Variants in ALPK2 observed in about 807,000 individuals in gnomAD.
ALPK2 encodes the protein alpha kinase 2.
Under a neutral mutation model 163.1 loss-of-function variants are expected in ALPK2, and 127 were observed. The ratio of observed to expected loss-of-function variants is 0.78; its 90% CI spans 0.67 to 0.90. The LOEUF (loss-of-function observed/expected upper bound fraction) is 0.90, where lower values mean the gene tolerates loss of function less well. Ranked by LOEUF, ALPK2 falls within the 40% of genes least tolerant of loss-of-function variation. The pLI, the probability that ALPK2 is intolerant of heterozygous loss-of-function variation, is 0.00. For synonymous variants in ALPK2, 953 were observed against 959.1 expected (o/e 0.99, Z 0.12); for missense variants, 2,360 against 2,589.6 (o/e 0.91, Z 1.92).
chr18:58,579,034 C>G lies in ALPK2; in HGVS notation c.1742G>C (p.Arg581Thr). ...AEPPLTQSDK[R>T]ETSHTTAAAT... ...TGCTGCTGTGGTGTGAGAAGTCTCTCTTTTATCACTCTGGGTTAGTGGGGG... is the reference window on the plus strand; with the variant it reads ...TGCTGCTGTGGTGTGAGAAGTCTCTGTTTTATCACTCTGGGTTAGTGGGGG... The change falls in exon 4 of 13, where the codon AGA becomes ACA. Residue 581 changes from arginine to threonine, a missense_variant. Arg to Thr is a moderately conservative substitution (Grantham distance 71). Coordinates refer to ENST00000361673, the MANE Select transcript of ALPK2 (RefSeq NM_052947.4). 6.2e-7 allele frequency: 1 copy of G among 1,614,222 alleles called. No individual in the cohort carries two copies. The highest frequency in any genetic ancestry group is 1.1e-5 in the South Asian group (1 of 91,080).
Position 58,536,072 on chromosome 18 carries a change from A to G in ALPK2, c.4115T>C (p.Val1372Ala), listed in dbSNP as rs2051645038. Residue 1372 changes from valine (V) to alanine (A), a missense_variant, in exon 5 of 13, where the codon GTG (valine) becomes GCG (alanine). Val to Ala is a moderately conservative substitution (Grantham distance 64). Coordinates refer to ENST00000361673, the MANE Select transcript of ALPK2 (RefSeq NM_052947.4). ...TTGTTTTTCCTCCTGGTCTTGACTC[A>G]CATTGTTAACATTTTCCTTCCCTCC... ...ETGGKENVNN[V>A]SQDQEEKQLK... 2.5e-6 allele frequency: 4 copies of G among 1,614,202 alleles called. No individual in the cohort carries two copies. The highest frequency in any genetic ancestry group is 2.5e-6 in the Non-Finnish European group (3 of 1,180,032).
chr18:58,552,370 GA>G (rs2051764422), intron 4 of ALPK2, among the ~76,000 whole-genome samples: 1 of 152,092 alleles, frequency 6.6e-6, no homozygotes, highest in Admixed American at 6.5e-5. Context: ...ATTCCAAGAT[GA>G]ATCAGACCTA....
At chr18:58,624,398 A>G (rs375580193) in intron 1 of ALPK2, among the ~76,000 whole-genome samples, 22 of 152,078 alleles carry the variant, frequency 1.4e-4, no homozygotes, top group African/African-American at 5.1e-4. Flanking sequence ...CTTCCATGGT[A>G]TGAGCAATAA....
intron 12 of ALPK2, among the ~76,000 whole-genome samples, chr18:58,482,928 G>A (rs2051319134): frequency 1.3e-5 from 2 of 152,148 alleles, no homozygotes; most frequent in Admixed American, 1.3e-4. Context: ...AATGTGAAAG[G>A]GTAGTAGGCT....
intron 1 of ALPK2, among the ~76,000 whole-genome samples, chr18:58,628,063 G>A (rs2052240936): frequency 6.6e-6 from 1 of 152,104 alleles, no homozygotes; most frequent in Non-Finnish European, 1.5e-5. Flanking sequence ...CTTAATCAAG[G>A]CTTTTAAAGT....
intron 5 of ALPK2, among the ~76,000 whole-genome samples, chr18:58,529,988 C>T (rs992390363): frequency 6.6e-6 from 1 of 152,070 alleles, no homozygotes; most frequent in African/African-American, 2.4e-5. Context: ...CCCGAGTGGT[C>T]GTAACAATTG....
At chr18:58,520,824 C>A (rs1281665923) in intron 8 of ALPK2, among the ~76,000 whole-genome samples, 1 of 151,982 alleles carries the variant, frequency 6.6e-6, no homozygotes, top group African/African-American at 2.4e-5. Flanking sequence ...GTGAGATAGT[C>A]CTCTGAATTT....
At chr18:58,525,088 G>A (rs962101824) in intron 6 of ALPK2, among the ~76,000 whole-genome samples, 2 of 151,992 alleles carry the variant, frequency 1.3e-5, no homozygotes, top group Admixed American at 1.3e-4. Flanking sequence ...GCTTGGGTTC[G>A]TTTCATAGTT....
intron 3 of ALPK2, among the ~76,000 whole-genome samples, chr18:58,605,618 T>C (rs985002536): frequency 3.9e-5 from 6 of 152,288 alleles, no homozygotes; most frequent in South Asian, 4.1e-4. Flanking sequence ...GAGAAGAGAA[T>C]GTTTGAGGCT....
Position 58,517,091 on chromosome 18 carries a change from G to C in ALPK2, c.5757C>G (p.Ala1919=). 6.2e-7 allele frequency: 1 copy of C among 1,614,250 alleles called. No individual in the cohort carries two copies. The highest frequency in any genetic ancestry group is 8.5e-7 in the Non-Finnish European group (1 of 1,180,046). Residue 1919 remains alanine, a synonymous_variant, in exon 9 of 13, where the codon GCC becomes GCG. Coordinates refer to ENST00000361673, the MANE Select transcript of ALPK2 (RefSeq NM_052947.4). ...CTTCTCCAAAGTGCAGCTCCTCCGT[G>C]GCGATCTGACCACGCAGGCGGCCCC... ...YFGGRLRGQI[A]TEELHFGEGV... is the part of the protein sequence containing the mutation.
intron 1 of ALPK2, among the ~76,000 whole-genome samples, chr18:58,627,801 C>T (rs1052345189): frequency 6.6e-6 from 1 of 152,182 alleles, no homozygotes; most frequent in East Asian, 1.9e-4. Flanking sequence ...TAACCCACAA[C>T]ATCCTTGGTT....
At chr18:58,528,731 C>T (rs1244628965) in intron 6 of ALPK2, 3 of 228,764 alleles carry the variant, frequency 1.3e-5, no homozygotes, top group East Asian at 1.3e-4. Context: ...GAAAACACAC[C>T]CAAGTTAAAT....
chr18:58,588,781 C>T (rs1568094585), intron 3 of ALPK2, among the ~76,000 whole-genome samples: 2 of 152,184 alleles, frequency 1.3e-5, no homozygotes, highest in Admixed American at 6.5e-5. Flanking sequence ...CTTTTTATGG[C>T]TGTGTAGTAT....
intron 2 of ALPK2, 50 bp downstream of exon 2, chr18:58,611,639 G>T: frequency 6.7e-7 from 1 of 1,502,676 alleles, no homozygotes; most frequent in Non-Finnish European, 9.2e-7. Context: ...CAAGAAACCT[G>T]GTATGCAGGG....
chr18:58,618,788 C>G (rs1216812046), intron 1 of ALPK2, among the ~76,000 whole-genome samples: 2 of 152,122 alleles, frequency 1.3e-5, no homozygotes, highest in South Asian at 2.1e-4. Context: ...CCCCCTGCAC[C>G]CCTGCAATCT....
intron 4 of ALPK2, among the ~76,000 whole-genome samples, chr18:58,563,090 A>G (rs1156346829): frequency 6.6e-6 from 1 of 152,252 alleles, no homozygotes; most frequent in East Asian, 1.9e-4. Context: ...CTCATATAAT[A>G]CAGTCTTACC....
At chr18:58,603,305 AG>A (rs1313868051) in intron 3 of ALPK2, among the ~76,000 whole-genome samples, 9 of 152,244 alleles carry the variant, frequency 5.9e-5, no homozygotes, top group Non-Finnish European at 1.0e-4. Context: ...CTGAGGCTCC[AG>A]GCAGACATGG....
intron 12 of ALPK2, among the ~76,000 whole-genome samples, chr18:58,488,485 A>G (rs988316505): frequency 3.0e-5 from 4 of 134,600 alleles, no homozygotes; most frequent in Admixed American, 8.0e-5. Flanking sequence ...TATTGGCTCC[A>G]AACACACCTG....
chr18:58,621,009 A>G (rs1299009917), intron 1 of ALPK2, among the ~76,000 whole-genome samples: 4 of 152,124 alleles, frequency 2.6e-5, no homozygotes, highest in Admixed American at 6.5e-5. Flanking sequence ...TACAAAAATT[A>G]GCCGGGTGTG....
Sources: allele counts gnomAD v4.1 joint callset (sites outside exome capture counted in the v4.1 genomes callset), GRCh38; gene constraint gnomAD v4.1.1; transcripts MANE v1.5; gene names NCBI Gene and HGNC (gene_info 2026-07-23, HGNC 2026-07-21).